The following FRAS1 variants were observed in gnomAD, a reference collection of about 807,000 sequenced individuals.
The protein encoded by FRAS1 is Fraser extracellular matrix complex subunit 1.
A neutral mutation model predicts 435.2 loss-of-function variants in FRAS1; 290 were observed. The observed-to-expected ratio is 0.67, with a 90% CI of 0.61 to 0.73. The LOEUF is 0.73. FRAS1 is among the 30% of genes least tolerant of loss of function. The pLI is 0.00. For missense variants in FRAS1, 4,860 were observed against 5,001.5 expected, an observed-to-expected ratio of 0.97 and a Z score of 0.85; for synonymous variants, 1,800 against 1,851.0, an observed-to-expected ratio of 0.97 and a Z score of 0.71.
intron 71 of FRAS1, 150 bp downstream of exon 71, chr4:78,534,765 A>T: frequency 1.5e-6 from 1 of 671,648 alleles, no homozygotes; most frequent in South Asian, 1.9e-5. Flanking sequence ...GCCAGGACTG[A>T]ATCTAGGTAC....
At chr4:78,082,001 A>G (rs1481415866) in intron 2 of FRAS1, among the ~76,000 whole-genome samples, 1 of 152,106 alleles carries the variant, frequency 6.6e-6, no homozygotes, top group Non-Finnish European at 1.5e-5. Flanking sequence ...TATTCCACTC[A>G]AATAGTTTGA....
At chr4:78,446,536 A>T in intron 42 of FRAS1, 191 bp from the exon 43 acceptor site, 3 of 1,365,612 alleles carry the variant, frequency 2.2e-6, no homozygotes, top group Non-Finnish European at 2.8e-6. Context: ...CTTCTTTTGA[A>T]GGGGGCATTT....
At chr4:78,277,726 A>T (rs1357321153) in intron 9 of FRAS1, among the ~76,000 whole-genome samples, 1 of 152,130 alleles carries the variant, frequency 6.6e-6, no homozygotes. Flanking sequence ...AAAATTATTG[A>T]TATTGGGAAA....
intron 2 of FRAS1, among the ~76,000 whole-genome samples, chr4:78,101,536 C>G (rs113776804): frequency 9.9e-5 from 15 of 152,126 alleles, no homozygotes; most frequent in African/African-American, 3.4e-4. Context: ...TTTTTTTTAA[C>G]ATTTTTCATC....
At chr4:78,376,639 C>A (rs1262710720) in intron 26 of FRAS1, among the ~76,000 whole-genome samples, 1 of 152,128 alleles carries the variant, frequency 6.6e-6, no homozygotes, top group Non-Finnish European at 1.5e-5. Context: ...GAGTCTGCTT[C>A]ATGAGGTTCA....
chr4:78,528,423 TC>T (rs2109900152), intron 70 of FRAS1, among the ~76,000 whole-genome samples: 1 of 152,318 alleles, frequency 6.6e-6, no homozygotes, highest in African/African-American at 2.4e-5. Context: ...CTTCACATCA[TC>T]CATTCCCTTT....
intron 6 of FRAS1, among the ~76,000 whole-genome samples, chr4:78,256,878 T>C (rs1485944742): frequency 2.0e-5 from 3 of 152,216 alleles, no homozygotes; most frequent in African/African-American, 7.2e-5. Flanking sequence ...TCTTGATTTA[T>C]TATCATTATT....
At chr4:78,307,667 G>A (rs1388676041) in intron 14 of FRAS1, among the ~76,000 whole-genome samples, 1 of 152,216 alleles carries the variant, frequency 6.6e-6, no homozygotes, top group Non-Finnish European at 1.5e-5. Context: ...GGAACTCCCT[G>A]ACCCCTTGCG....
intron 56 of FRAS1, among the ~76,000 whole-genome samples, chr4:78,481,570 C>T (rs887285579): frequency 6.6e-6 from 1 of 152,214 alleles, no homozygotes; most frequent in South Asian, 2.1e-4. Context: ...GCACCATCTC[C>T]ATGAAGCCCT....
In FRAS1 at chr4:78,438,326, T is replaced by G. The variant is rs536597281; in HGVS notation, c.5218-244T>G. Among the ~76,000 whole-genome samples the G allele has an allele frequency of 7.2e-5, 11 of 152,328 alleles. No homozygotes were observed. The East Asian group carries it at 2.1e-3, about 29-fold the overall frequency. On this transcript the variant is annotated intron_variant, in intron 38 of 73. Transcript: ENST00000512123. ...TTTGTTTTATGCCACATACCTAAAGTGCATTTCCCTTCTCTTACCTTGAGC... is the reference window on the plus strand; with the variant it reads ...TTTGTTTTATGCCACATACCTAAAGGGCATTTCCCTTCTCTTACCTTGAGC...
chr4:78,536,429 AG>A (rs1338463895), intron 71 of FRAS1, among the ~76,000 whole-genome samples: 1 of 152,082 alleles, frequency 6.6e-6, no homozygotes, highest in African/African-American at 2.4e-5. Context: ...TGATTAATAA[AG>A]TATTGTGGTG....
intron 6 of FRAS1, among the ~76,000 whole-genome samples, chr4:78,258,353 A>G (rs78776795): frequency 0.034 from 4,674 of 139,094 alleles, 250 homozygotes; most frequent in African/African-American, 0.11. Context: ...AAAAAAAAAA[A>G]AAGAAAAAAG....
At chr4:78,507,790 G>A (rs923898500) in intron 62 of FRAS1, among the ~76,000 whole-genome samples, 182 bp downstream of exon 62, 13 of 152,090 alleles carry the variant, frequency 8.5e-5, no homozygotes, top group Admixed American at 1.3e-4. Context: ...ATTTTTGGTT[G>A]TCACAGTTGT....
rs779359363 is a variant in FRAS1 at position 78,308,145 on chromosome 4, G to A, written c.1614G>A (p.Leu538=). 1.2e-6 allele frequency: 2 copies of A among 1,613,828 alleles called. No individual in the cohort carries two copies. Among genetic ancestry groups the A allele is most frequent in the African/African-American group, 2.7e-5 (2 of 74,920 alleles). Residue 538 remains leucine, a synonymous_variant, in exon 15 of 74, where the codon CTG becomes CTA. Coordinates refer to ENST00000512123, the MANE Select transcript of FRAS1 (RefSeq NM_025074.7). ...CCTGCAGAGATCCCCTCCACGTGCT[G>A]AGAGATGGCGGCTGTGAGAGCAGCT... ...CLACRDPLHV[L]RDGGCESSCG... is the part of the protein sequence containing the mutation.
chr4:78,440,268 A>G (rs1049933551), intron 40 of FRAS1, among the ~76,000 whole-genome samples: 2 of 151,690 alleles, frequency 1.3e-5, no homozygotes, highest in Non-Finnish European at 2.9e-5. Flanking sequence ...TCCTGACCTC[A>G]TGATCCACCC....
chr4:78,234,288 C>G (rs1366198289), intron 2 of FRAS1, among the ~76,000 whole-genome samples: 3 of 152,020 alleles, frequency 2.0e-5, no homozygotes, highest in Admixed American at 2.0e-4. Flanking sequence ...TGCAGTGGCG[C>G]GATCTTGGCT....
intron 47 of FRAS1, among the ~76,000 whole-genome samples, chr4:78,453,058 A>G (rs1413275531): frequency 1.3e-5 from 2 of 152,226 alleles, no homozygotes; most frequent in African/African-American, 4.8e-5. Flanking sequence ...AGGTCAATTT[A>G]ACTGAAGCAC....
At chr4:78,061,964 C>T (rs1372092867) in intron 1 of FRAS1, among the ~76,000 whole-genome samples, 1 of 152,190 alleles carries the variant, frequency 6.6e-6, no homozygotes, top group Non-Finnish European at 1.5e-5. Context: ...TTGTAATTAC[C>T]TGGCAATGGA....
At chr4:78,471,572 T>C (rs1719709587) in intron 51 of FRAS1, among the ~76,000 whole-genome samples, 1 of 152,166 alleles carries the variant, frequency 6.6e-6, no homozygotes, top group Non-Finnish European at 1.5e-5. Flanking sequence ...AGAGACCAAT[T>C]ATCTGTCTTT....
Sources: gnomAD v4.1 joint callset for allele counts (sites outside exome capture counted in the v4.1 genomes callset) on GRCh38, gnomAD v4.1.1 for gene constraint, MANE v1.5 for transcripts, NCBI Gene and HGNC (gene_info 2026-07-23, HGNC 2026-07-21) for gene names.